The following MARCHF3 variants were observed in gnomAD, a reference collection of about 807,000 sequenced individuals.
The protein encoded by MARCHF3 is E3 ubiquitin-protein ligase MARCHF3.
A neutral mutation model predicts 24.2 loss-of-function variants in MARCHF3; 13 were observed. The ratio of observed to expected loss-of-function variants is 0.54; its 90% CI spans 0.35 to 0.85. The LOEUF (loss-of-function observed/expected upper bound fraction) is 0.85, where lower values mean the gene tolerates loss of function less well. Ranked by LOEUF, MARCHF3 falls within the 40% of genes least tolerant of loss-of-function variation. MARCHF3 has a pLI of 0.01. For missense variants in MARCHF3, 276 were observed against 325.0 expected (o/e 0.85, Z 1.16); for synonymous variants, 144 against 137.3 (o/e 1.05, Z -0.34).
intron 1 of MARCHF3, among the ~76,000 whole-genome samples, chr5:126,982,221 G>T (rs1449719021): frequency 6.6e-6 from 1 of 152,200 alleles, no homozygotes; most frequent in Non-Finnish European, 1.5e-5. Flanking sequence ...CTGCCTGCCT[G>T]CTTCCTGTTG....
At chr5:126,994,353 G>A (rs1751875246) in intron 1 of MARCHF3, among the ~76,000 whole-genome samples, 1 of 152,190 alleles carries the variant, frequency 6.6e-6, no homozygotes, top group Admixed American at 6.5e-5. Context: ...TGGAGGTGGT[G>A]AAAGGGTTGA....
chr5:126,946,759 G>GGGGT (rs1364848696), intron 1 of MARCHF3, among the ~76,000 whole-genome samples: 1 of 66,374 alleles, frequency 1.5e-5, no homozygotes, highest in African/African-American at 6.1e-5. Flanking sequence ...CGTGTAAGTA[G>GGGGT]GGGTGTGTGT....
chr5:127,025,524 C>T (rs1043102990), intron 1 of MARCHF3, among the ~76,000 whole-genome samples: 1 of 151,980 alleles, frequency 6.6e-6, no homozygotes, highest in African/African-American at 2.4e-5. Context: ...ACCCACCCCA[C>T]CCCTGACCCT....
At chr5:126,955,294 A>G (rs1487432399) in intron 1 of MARCHF3, among the ~76,000 whole-genome samples, 1 of 152,250 alleles carries the variant, frequency 6.6e-6, no homozygotes, top group Non-Finnish European at 1.5e-5. Context: ...TGACAAAAAA[A>G]ATGCTTCAGT....
At chr5:127,005,589 C>G (rs1361128566) in intron 1 of MARCHF3, among the ~76,000 whole-genome samples, 1 of 152,054 alleles carries the variant, frequency 6.6e-6, no homozygotes, top group Admixed American at 6.5e-5. Flanking sequence ...AAATTCTGGG[C>G]AAAATTTTAT....
intron 1 of MARCHF3, among the ~76,000 whole-genome samples, chr5:126,989,046 G>A (rs1317988588): frequency 6.6e-6 from 1 of 152,170 alleles, no homozygotes; most frequent in East Asian, 1.9e-4. Flanking sequence ...GGACTAGGCT[G>A]AGGTGGGAGG....
intron 1 of MARCHF3, among the ~76,000 whole-genome samples, chr5:127,005,007 T>A (rs901819808): frequency 6.6e-5 from 10 of 152,146 alleles, no homozygotes; most frequent in African/African-American, 2.2e-4. Flanking sequence ...TTGTGATTAT[T>A]TGTTGAATAC....
chr5:126,980,387 T>C (rs1439523811), intron 1 of MARCHF3, among the ~76,000 whole-genome samples: 3 of 152,026 alleles, frequency 2.0e-5, no homozygotes, highest in Non-Finnish European at 4.4e-5. Flanking sequence ...TTTTTTTTTT[T>C]TTGAGATGGA....
Position 126,918,207 on chromosome 5 carries a change from A to G in MARCHF3, c.-36T>C, listed in dbSNP as rs756440623. The G allele has an allele frequency of 8.2e-6, 13 of 1,587,312 alleles. No individual in the cohort carries two copies. In the South Asian group the frequency reaches 1.5e-4, roughly 18 times the overall value. Reference sequence around the variant, plus strand: ...AGCAATTACTCTGCTAATGGCTTCCACATTCATACAGGATTTCCATCTAAG... The same window carrying G: ...AGCAATTACTCTGCTAATGGCTTCCGCATTCATACAGGATTTCCATCTAAG... On this transcript the variant is annotated 5_prime_UTR_variant, in exon 2 of 5. Transcript: ENST00000308660.
intron 1 of MARCHF3, among the ~76,000 whole-genome samples, chr5:126,999,548 C>A (rs1188117635): frequency 6.6e-6 from 1 of 152,230 alleles, no homozygotes; most frequent in Non-Finnish European, 1.5e-5. Flanking sequence ...TACCTTCCCT[C>A]CATTACAGCT....
chr5:126,902,157 T>C (rs78576710), intron 3 of MARCHF3, among the ~76,000 whole-genome samples: 2,076 of 152,184 alleles, frequency 0.014, 67 homozygotes, highest in African/African-American at 0.048. Context: ...CTGGATTTCC[T>C]CCCTATTTGA....
At chr5:126,904,130 A>G (rs568915412) in intron 3 of MARCHF3, among the ~76,000 whole-genome samples, 2,979 of 149,942 alleles carry the variant, frequency 0.02, 100 homozygotes, top group African/African-American at 0.071. Context: ...ACGTCCCTAC[A>G]AAGGACATGA....
intron 1 of MARCHF3, among the ~76,000 whole-genome samples, chr5:126,961,615 A>G (rs879631106): frequency 2.0e-5 from 3 of 152,216 alleles, no homozygotes; most frequent in Non-Finnish European, 2.9e-5. Flanking sequence ...CAAAATGATT[A>G]AAATTCAAAT....
chr5:126,917,983 C>T lies in MARCHF3; in HGVS notation c.188+1G>A, dbSNP rs763672270. The T allele has an allele frequency of 6.2e-7, 1 of 1,613,246 alleles. No individual in the cohort carries two copies. The highest frequency in any genetic ancestry group is 8.5e-7 in the Non-Finnish European group (1 of 1,179,632). On this transcript the variant is annotated splice_donor_variant, in intron 2 of 4. Coordinates refer to ENST00000308660, the MANE Select transcript of MARCHF3 (RefSeq NM_178450.5). LOFTEE classifies it high-confidence loss of function. ...TTCATTTATTTTAATTGTGGTACTA[C>T]CTCTGGGTGGCAAGAGTCCGCACTA...
intron 3 of MARCHF3, among the ~76,000 whole-genome samples, chr5:126,903,905 C>T (rs7727719): frequency 0.094 from 14,172 of 151,100 alleles, 1,565 homozygotes; most frequent in African/African-American, 0.26. Context: ...GCTGGTGCGC[C>T]GCACCTACTA....
chr5:126,960,870 ACT>A (rs1408386721), intron 1 of MARCHF3, among the ~76,000 whole-genome samples: 2 of 152,070 alleles, frequency 1.3e-5, no homozygotes, highest in Non-Finnish European at 2.9e-5. Flanking sequence ...CCCTTATGAA[ACT>A]CTGATTGTTC....
chr5:126,999,450 A>G (rs1752052702), intron 1 of MARCHF3, among the ~76,000 whole-genome samples: 1 of 152,108 alleles, frequency 6.6e-6, no homozygotes, highest in African/African-American at 2.4e-5. Context: ...CGTTCCTCCA[A>G]GCTCTAGACT....
intron 1 of MARCHF3, among the ~76,000 whole-genome samples, chr5:126,984,938 G>A (rs1349052026): frequency 6.6e-6 from 1 of 152,220 alleles, no homozygotes; most frequent in Non-Finnish European, 1.5e-5. Flanking sequence ...GACTCTAGTG[G>A]AAAGGTGGGA....
chr5:126,925,632 G>A (rs1384713010), intron 1 of MARCHF3, among the ~76,000 whole-genome samples: 1 of 152,180 alleles, frequency 6.6e-6, no homozygotes, highest in African/African-American at 2.4e-5. Flanking sequence ...AAGACACAGC[G>A]ACAGCTGAAT....
Sources: gnomAD v4.1 joint callset for allele counts (sites outside exome capture counted in the v4.1 genomes callset) on GRCh38, gnomAD v4.1.1 for gene constraint, MANE v1.5 for transcripts, NCBI Gene and HGNC (gene_info 2026-07-23, HGNC 2026-07-21) for gene names.